The following B9D2 variants were observed in gnomAD, a reference collection of about 807,000 sequenced individuals.
B9D2 encodes B9 domain-containing protein 2.
A neutral mutation model predicts 19.2 loss-of-function variants in B9D2; 21 were observed. The ratio of observed to expected loss-of-function variants is 1.09; its 90% confidence interval spans 0.78 to 1.58. The LOEUF (loss-of-function observed/expected upper bound fraction) is 1.58. B9D2 is among the 40% of genes most tolerant of loss of function. The pLI, the probability that B9D2 is intolerant of heterozygous loss-of-function variation, is 0.00. For synonymous variants in B9D2, 91 were observed against 100.6 expected, an observed-to-expected ratio of 0.90 and a Z score of 0.57; for missense variants, 221 against 244.3, an observed-to-expected ratio of 0.90 and a Z score of 0.64.
chr19:41,356,166 G>A (rs996651057), intron 3 of B9D2, among the ~76,000 whole-genome samples: 14 of 152,138 alleles, frequency 9.2e-5, no homozygotes, highest in African/African-American at 2.9e-4. Flanking sequence ...AGGGTTCTGA[G>A]CAGAGCAGAG....
Position 41,354,572 on chromosome 19 carries a change from C to CG in B9D2, c.*127dup, listed in dbSNP as rs2038273761. 4 of 1,251,638 alleles carry CG rather than the reference C, an allele frequency of 3.2e-6. No individual in the cohort carries two copies. Among genetic ancestry groups the CG allele is most frequent in the Non-Finnish European group, 4.5e-6 (4 of 879,402 alleles). The allele number at this position is 1,251,638 out of a possible 1,614,324, so 77.5% of individuals were successfully genotyped here. ...CCCGAGGTCCTAGAAAGGACAGAAG[C>CG]GGTGCCATGCCTTAGCTGGGGTCAG... On this transcript the variant is annotated 3_prime_UTR_variant, in exon 4 of 4. Transcript: ENST00000243578.
At chr19:41,358,097 G>A (rs1441919971) in intron 2 of B9D2, 75 bp from the exon 3 acceptor site, 2 of 1,589,522 alleles carry the variant, frequency 1.3e-6, no homozygotes, top group South Asian at 2.2e-5. Context: ...CTATAGGACT[G>A]TTTCTCTGTG....
intron 2 of B9D2, chr19:41,363,116 C>T (rs543414859): frequency 1.1e-5 from 4 of 373,734 alleles, no homozygotes; most frequent in South Asian, 5.7e-5. Flanking sequence ...TTTGGTGGTG[C>T]GTGTCTGTAG....
chr19:41,360,784 C>T (rs1338555966), intron 2 of B9D2, among the ~76,000 whole-genome samples: 2 of 152,184 alleles, frequency 1.3e-5, no homozygotes, highest in African/African-American at 4.8e-5. Context: ...GCTGGGATTA[C>T]AGGCATGAGC....
At chr19:41,362,592 C>T (rs903028829) in intron 2 of B9D2, among the ~76,000 whole-genome samples, 5 of 152,110 alleles carry the variant, frequency 3.3e-5, no homozygotes, top group African/African-American at 1.2e-4. Context: ...TGTTGATACT[C>T]GTTTAGTACT....
chr19:41,358,153 A>G, intron 2 of B9D2, 131 bp from the exon 3 acceptor site: 1 of 1,365,316 alleles, frequency 7.3e-7, no homozygotes, highest in South Asian at 1.3e-5. Context: ...GGAACCAAGT[A>G]TCTGGGTTCA....
intron 3 of B9D2, among the ~76,000 whole-genome samples, chr19:41,355,635 C>G (rs764159580): frequency 9.2e-5 from 14 of 152,228 alleles, no homozygotes; most frequent in Non-Finnish European, 1.9e-4. Context: ...GATCCCTTCT[C>G]CTGTGCTAGA....
intron 2 of B9D2, among the ~76,000 whole-genome samples, chr19:41,358,687 A>C (rs2038355015): frequency 6.6e-6 from 1 of 152,148 alleles, no homozygotes; most frequent in South Asian, 2.1e-4. Flanking sequence ...TTTCGATCCT[A>C]CTGAGGGGTG....
chr19:41,358,808 C>G (rs2038357029), intron 2 of B9D2, among the ~76,000 whole-genome samples: 3 of 151,862 alleles, frequency 2.0e-5, no homozygotes, highest in Non-Finnish European at 4.4e-5. Flanking sequence ...GAGTTCAAGA[C>G]CAGCCTGACC....
chr19:41,363,311 C>T, intron 2 of B9D2, 121 bp downstream of exon 2: 1 of 982,334 alleles, frequency 1.0e-6, no homozygotes, highest in Non-Finnish European at 1.6e-6. Flanking sequence ...TGGGCTGGGC[C>T]TGGAGTACTG....
intron 1 of B9D2, 94 bp from the exon 2 acceptor site, chr19:41,363,617 G>T: frequency 8.8e-7 from 1 of 1,140,056 alleles, no homozygotes; most frequent in Non-Finnish European, 1.3e-6. Context: ...GTAAAGGGTA[G>T]TACTAGGATT....
chr19:41,359,261 T>A (rs2038365623), intron 2 of B9D2, among the ~76,000 whole-genome samples: 1 of 151,546 alleles, frequency 6.6e-6, no homozygotes, highest in South Asian at 2.1e-4. Flanking sequence ...CGAAATCCCA[T>A]CTCTACTAAA....
chr19:41,363,389 C>A, intron 2 of B9D2, 43 bp downstream of exon 2: 3 of 1,594,252 alleles, frequency 1.9e-6, no homozygotes, highest in Non-Finnish European at 2.6e-6. Flanking sequence ...AGCCTCTAGG[C>A]TAGGGGTCTT....
At chr19:41,363,382 C>T in intron 2 of B9D2, 50 bp downstream of exon 2, 6 of 1,583,280 alleles carry the variant, frequency 3.8e-6, no homozygotes, top group South Asian at 1.1e-5. Flanking sequence ...AGCATGTAGC[C>T]TCTAGGCTAG....
intron 2 of B9D2, among the ~76,000 whole-genome samples, chr19:41,359,903 A>C (rs1470632804): frequency 1.1e-4 from 15 of 131,642 alleles, no homozygotes; most frequent in South Asian, 2.4e-4. Context: ...ATCTCCCATC[A>C]CTCTCCCCCT....
intron 2 of B9D2, among the ~76,000 whole-genome samples, chr19:41,360,075 G>A (rs1185409031): frequency 6.6e-6 from 1 of 152,168 alleles, no homozygotes; most frequent in East Asian, 1.9e-4. Flanking sequence ...CTTCCACAGA[G>A]GGGTTCTCCC....
chr19:41,359,093 A>G (rs1418770913), intron 2 of B9D2, among the ~76,000 whole-genome samples: 1 of 152,052 alleles, frequency 6.6e-6, no homozygotes, highest in Non-Finnish European at 1.5e-5. Context: ...AGATTGCACC[A>G]CTGCACTCCA....
chr19:41,355,762 G>T (rs767814615), intron 3 of B9D2, among the ~76,000 whole-genome samples: 27 of 152,188 alleles, frequency 1.8e-4, no homozygotes, highest in Non-Finnish European at 2.8e-4. Flanking sequence ...CAAATTATAG[G>T]GTAGATCAGA....
At chr19:41,357,362 G>A (rs968978896) in intron 3 of B9D2, among the ~76,000 whole-genome samples, 7 of 152,182 alleles carry the variant, frequency 4.6e-5, no homozygotes, top group East Asian at 3.8e-4. Flanking sequence ...ACACAGGGCA[G>A]GTACCAGGTA....
Sources: gnomAD v4.1 joint callset for allele counts (sites outside exome capture counted in the v4.1 genomes callset) on GRCh38, gnomAD v4.1.1 for gene constraint, MANE v1.5 for transcripts, NCBI Gene and HGNC (gene_info 2026-07-23, HGNC 2026-07-21) for gene names.